ALG5: variants seen among roughly 807,000 people sequenced by gnomAD.
The protein encoded by ALG5 is dolichyl-phosphate beta-glucosyltransferase.
ALG5 carries 26 observed loss-of-function variants against 51.8 expected under a neutral mutation model. The observed-to-expected ratio is 0.50, with a 90% CI of 0.37 to 0.70. ALG5 has a LOEUF of 0.70. Ranked by LOEUF, ALG5 falls within the 30% of genes least tolerant of loss-of-function variation. ALG5 has a pLI of 0.00. For synonymous variants in ALG5, 141 were observed against 136.1 expected, an observed-to-expected ratio of 1.04 and a Z score of -0.25; for missense variants, 311 against 399.3, an observed-to-expected ratio of 0.78 and a Z score of 1.88.
At position 36,965,687 on chromosome 13, in the gene ALG5, A is replaced by G. The variant is rs758453744; in HGVS notation, c.661T>C (p.Phe221Leu). 3.1e-6 allele frequency: 5 copies of G among 1,614,096 alleles called. No individual in the cohort carries two copies. In the Admixed American group the frequency reaches 5.0e-5, roughly 16 times the overall value. The change falls in exon 8 of 10, where the codon TTT becomes CTT. Residue 221 changes from phenylalanine to leucine, a missense_variant. Coordinates refer to ENST00000239891, the MANE Select transcript of ALG5 (RefSeq NM_013338.5). Reference sequence around the variant, plus strand: ...TTGACACAAAGGAACCACACCAGAAAGTGGAACCCATACATGAGAAGAGTA... The same window carrying G: ...TTGACACAAAGGAACCACACCAGAAGGTGGAACCCATACATGAGAAGAGTA... ...FRTLLMYGFH[F>L]LVWFLCVKGI...
intron 4 of ALG5, among the ~76,000 whole-genome samples, chr13:36,990,271 G>T (rs2059020058): frequency 6.6e-6 from 1 of 152,090 alleles, no homozygotes; most frequent in African/African-American, 2.4e-5. Flanking sequence ...TTATTTTTCG[G>T]TCCACTGTAG....
chr13:36,960,366 TG>T (rs2058860209), intron 8 of ALG5, among the ~76,000 whole-genome samples: 1 of 152,108 alleles, frequency 6.6e-6, no homozygotes, highest in Non-Finnish European at 1.5e-5. Flanking sequence ...AAAAAACAGT[TG>T]AAAGTGGCCA....
rs1213897478 is a variant in ALG5 at position 36,965,607 on chromosome 13, T to C, written c.741A>G (p.Ser247=). The C allele has an allele frequency of 6.2e-7, 1 of 1,614,022 alleles. No individual in the cohort carries two copies. The highest frequency in any genetic ancestry group is 1.3e-5 in the African/African-American group (1 of 75,018). The change falls in exon 8 of 10, where the codon TCA becomes TCG. Residue 247 remains serine (S), a synonymous_variant. Coordinates refer to ENST00000239891, the MANE Select transcript of ALG5 (RefSeq NM_013338.5). Reference sequence around the variant, plus strand: ...CAACGTGTAGAGATGAAAACGTCCGTGAAGCTGCTTCTCGAGTAAATAATT... The same window carrying C: ...CAACGTGTAGAGATGAAAACGTCCGCGAAGCTGCTTCTCGAGTAAATAATT... ...GFKLFTREAA[S]RTFSSLHVER...
chr13:36,974,766 TATC>T (rs911789812), intron 6 of ALG5, among the ~76,000 whole-genome samples: 2 of 151,592 alleles, frequency 1.3e-5, no homozygotes, highest in Non-Finnish European at 2.9e-5. Context: ...AAATTCTAGA[TATC>T]ATATGTTACA....
chr13:36,980,554 TAAA>T (rs1188038954), intron 6 of ALG5, among the ~76,000 whole-genome samples: 5 of 152,056 alleles, frequency 3.3e-5, no homozygotes, highest in Non-Finnish European at 7.4e-5. Context: ...GAAAAATTAC[TAAA>T]AAACAAGCAT....
intron 8 of ALG5, among the ~76,000 whole-genome samples, chr13:36,956,533 T>C (rs920361009): frequency 6.6e-6 from 1 of 152,218 alleles, no homozygotes; most frequent in Admixed American, 6.5e-5. Flanking sequence ...CACTCTCATG[T>C]TCACTGCAGC....
At chr13:36,987,733 C>T (rs2059008399) in intron 5 of ALG5, among the ~76,000 whole-genome samples, 1 of 152,280 alleles carries the variant, frequency 6.6e-6, no homozygotes, top group East Asian at 1.9e-4. Context: ...GCATGTCATT[C>T]TTCTCTCTGA....
chr13:36,998,165 AG>A (rs1453189717), intron 1 of ALG5, among the ~76,000 whole-genome samples: 1 of 152,152 alleles, frequency 6.6e-6, no homozygotes, highest in African/African-American at 2.4e-5. Context: ...CTTCAATCTA[AG>A]AATGTGTGAA....
intron 6 of ALG5, 119 bp from the exon 7 acceptor site, chr13:36,972,155 C>A (rs2058927028): frequency 1.2e-6 from 1 of 819,426 alleles, no homozygotes; most frequent in Non-Finnish European, 1.9e-6. Context: ...CATTAAAAAT[C>A]TTTTAAAGGT....
At chr13:36,997,466 C>CAAAA (rs57878611) in intron 1 of ALG5, among the ~76,000 whole-genome samples, 11 of 78,110 alleles carry the variant, frequency 1.4e-4, no homozygotes, top group Non-Finnish European at 1.7e-4. Context: ...GACTCCGTCT[C>CAAAA]AAAAAAAAAA....
At chr13:36,984,533 ACT>A (rs5802850) in intron 6 of ALG5, among the ~76,000 whole-genome samples, 125,216 of 151,984 alleles carry the variant, frequency 0.82, 52,413 homozygotes, top group East Asian at 1. Flanking sequence ...CTTGGATTAC[ACT>A]GTCTTAAATC....
intron 6 of ALG5, among the ~76,000 whole-genome samples, chr13:36,981,363 C>T (rs1460884419): frequency 6.6e-6 from 1 of 152,086 alleles, no homozygotes; most frequent in African/African-American, 2.4e-5. Flanking sequence ...GAGACAGTCA[C>T]GTAATTATAG....
rs2058810516 is a variant in ALG5 at position 36,949,804 on chromosome 13, T to C, written c.*138A>G. ...AAAGAGATATATAATTTTTTACTTA[T>C]GGAAAGTTATTTCTTTAAAATTATC... is the stretch of plus-strand genomic sequence containing the variant. On this transcript the variant is annotated 3_prime_UTR_variant, in exon 10 of 10. Transcript: ENST00000239891. The C allele has an allele frequency of 2.1e-6, 1 of 477,224 alleles. No individual in the cohort carries two copies. The highest frequency in any genetic ancestry group is 3.7e-6 in the Non-Finnish European group (1 of 271,284). 29.6% of individuals were successfully genotyped at this position (477,224 alleles called of 1,614,324 possible). A position where few individuals can be genotyped will look rare whatever the true frequency, so the allele number is the denominator to read the frequency against.
At chr13:36,955,574 G>A (rs1480285976) in intron 8 of ALG5, among the ~76,000 whole-genome samples, 4 of 150,594 alleles carry the variant, frequency 2.7e-5, no homozygotes, top group Middle Eastern at 3.5e-3. Context: ...ATAAAATTGA[G>A]GAAATCTCAA....
chr13:36,953,237 T>A (rs2058825866), intron 8 of ALG5, among the ~76,000 whole-genome samples: 1 of 152,218 alleles, frequency 6.6e-6, no homozygotes, highest in Non-Finnish European at 1.5e-5. Context: ...TCTGATATAT[T>A]GTCTTACTTG....
intron 8 of ALG5, among the ~76,000 whole-genome samples, chr13:36,957,453 T>C (rs965844728): frequency 1.3e-5 from 2 of 151,950 alleles, no homozygotes; most frequent in Non-Finnish European, 1.5e-5. Context: ...AGAGTGACAA[T>C]GGCCCCGCTT....
chr13:36,952,829 C>T, intron 8 of ALG5: 2 of 281,434 alleles, frequency 7.1e-6, no homozygotes, highest in Non-Finnish European at 1.3e-5. Flanking sequence ...TATTACAACT[C>T]AGAAACTCAC....
Position 36,965,710 on chromosome 13 carries a change from G to A in ALG5, c.638C>T (p.Thr213Ile). Residue 213 changes from threonine (T) to isoleucine (I), a missense_variant, in exon 8 of 10, where the codon ACT (threonine) becomes ATT (isoleucine). Physicochemically the swap from Thr to Ile is moderately conservative, Grantham distance 89. Coordinates refer to ENST00000239891, the MANE Select transcript of ALG5 (RefSeq NM_013338.5). ...ESIAQRSYFR[T>I]LLMYGFHFLV... ...AAAGTGGAACCCATACATGAGAAGA[G>A]TACGGAAGTAAGAACGCTGAAAACA... The A allele has an allele frequency of 1.9e-6, 3 of 1,611,324 alleles. No individual in the cohort carries two copies. Among genetic ancestry groups the A allele is most frequent in the Non-Finnish European group, 8.5e-7 (1 of 1,179,244 alleles).
intron 7 of ALG5, among the ~76,000 whole-genome samples, chr13:36,967,458 G>C (rs1182489808): frequency 6.6e-6 from 1 of 152,032 alleles, no homozygotes; most frequent in East Asian, 1.9e-4. Context: ...AAAATAACAG[G>C]AACTCAATAA....
Sources: gnomAD v4.1 joint callset for allele counts (sites outside exome capture counted in the v4.1 genomes callset) on GRCh38, gnomAD v4.1.1 for gene constraint, MANE v1.5 for transcripts, NCBI Gene and HGNC (gene_info 2026-07-23, HGNC 2026-07-21) for gene names.